MICU1: variants seen among roughly 807,000 people sequenced by gnomAD.
MICU1 encodes the protein mitochondrial calcium uptake 1, also known as calcium uptake protein 1, mitochondrial.
Under a neutral mutation model 56.8 loss-of-function variants are expected in MICU1, and 45 were observed. That is an observed-to-expected ratio of 0.79 (90% confidence interval 0.62 to 1.02). The LOEUF is 1.02. Ranked by LOEUF, MICU1 falls within the 50% of genes least tolerant of loss-of-function variation. The pLI is 0.00. For missense variants in MICU1, 504 were observed against 587.1 expected, an observed-to-expected ratio of 0.86 and a Z score of 1.46; for synonymous variants, 186 against 195.1, an observed-to-expected ratio of 0.95 and a Z score of 0.39.
At chr10:72,375,361 G>A (rs920018843) in intron 11 of MICU1, among the ~76,000 whole-genome samples, 1 of 152,206 alleles carries the variant, frequency 6.6e-6, no homozygotes, top group Non-Finnish European at 1.5e-5. Flanking sequence ...AGACCACTGT[G>A]TGGAGCTGGA....
chr10:72,496,070 G>C (rs114345584), intron 6 of MICU1, among the ~76,000 whole-genome samples: 2 of 151,658 alleles, frequency 1.3e-5, no homozygotes, highest in Non-Finnish European at 2.9e-5. Context: ...GGTCTCAAGC[G>C]ATCCTCCCAC....
chr10:72,603,008 C>G lies in MICU1; in HGVS notation c.-2+23002G>C, dbSNP rs554931098. On this transcript the variant is annotated intron_variant, in intron 1 of 11. Coordinates refer to ENST00000361114, the MANE Select transcript of MICU1 (RefSeq NM_001195518.2). ...GCGGGTGCCTGTAGTCCCAGCTACTCGGAGGCTGAGGCAGGAGAATGGCGT... is the reference window on the plus strand; with the variant it reads ...GCGGGTGCCTGTAGTCCCAGCTACTGGGAGGCTGAGGCAGGAGAATGGCGT... 8.6e-3 allele frequency among the ~76,000 whole-genome samples: 1,304 copies of G among 151,904 alleles called. 19 individuals are homozygous for G. The highest frequency in any genetic ancestry group is 0.03 in the African/African-American group (1,231 of 41,446).
At chr10:72,485,172 A>C (rs758502410) in intron 6 of MICU1, among the ~76,000 whole-genome samples, 3 of 152,224 alleles carry the variant, frequency 2.0e-5, no homozygotes, top group Non-Finnish European at 4.4e-5. Context: ...AGATGTGAGC[A>C]ATAAATTAGC....
At chr10:72,507,916 C>T (rs1414239890) in intron 6 of MICU1, among the ~76,000 whole-genome samples, 1 of 152,112 alleles carries the variant, frequency 6.6e-6, no homozygotes, top group East Asian at 1.9e-4. Flanking sequence ...CTGTGCCCAG[C>T]CGTTTTGTTT....
chr10:72,463,592 T>C (rs1865702297), intron 8 of MICU1, among the ~76,000 whole-genome samples: 1 of 152,236 alleles, frequency 6.6e-6, no homozygotes, highest in Non-Finnish European at 1.5e-5. Context: ...ATGGAGATTC[T>C]ACCATATACA....
At chr10:72,508,323 T>C (rs1867328941) in intron 5 of MICU1, 54 bp from the exon 6 acceptor site, 1 of 705,224 alleles carries the variant, frequency 1.4e-6, no homozygotes, top group Non-Finnish European at 2.3e-6. Flanking sequence ...TGAATTAGAA[T>C]ATAAATAGTA....
intron 6 of MICU1, among the ~76,000 whole-genome samples, chr10:72,500,689 G>A (rs530976607): frequency 6.6e-6 from 1 of 152,108 alleles, no homozygotes; most frequent in Admixed American, 6.6e-5. Context: ...AGCCCACAGG[G>A]TTAATAACTT....
intron 10 of MICU1, among the ~76,000 whole-genome samples, chr10:72,399,903 A>T (rs183102346): frequency 6.6e-6 from 1 of 152,178 alleles, no homozygotes; most frequent in Non-Finnish European, 1.5e-5. Flanking sequence ...GGTTGCAGTG[A>T]GCTGAAACTG....
chr10:72,584,004 A>C (rs976797421), intron 1 of MICU1, among the ~76,000 whole-genome samples: 3 of 152,248 alleles, frequency 2.0e-5, no homozygotes, highest in Admixed American at 2.0e-4. Context: ...AAGTTAATTT[A>C]AGTTACACAA....
chr10:72,440,240 A>T (rs912006198), intron 8 of MICU1, among the ~76,000 whole-genome samples: 1 of 152,196 alleles, frequency 6.6e-6, no homozygotes, highest in African/African-American at 2.4e-5. Flanking sequence ...CTCAGAAATA[A>T]CACCATACAT....
chr10:72,604,716 T>A (rs1158791662), intron 1 of MICU1, among the ~76,000 whole-genome samples: 2 of 152,220 alleles, frequency 1.3e-5, no homozygotes, highest in Admixed American at 6.5e-5. Flanking sequence ...ATGAAAGTGC[T>A]ACTGAACATA....
intron 6 of MICU1, among the ~76,000 whole-genome samples, chr10:72,497,606 T>C (rs1363100315): frequency 1.3e-5 from 2 of 152,102 alleles, no homozygotes; most frequent in African/African-American, 4.8e-5. Context: ...TTCAGAGCCA[T>C]CCCAACCATC....
intron 5 of MICU1, among the ~76,000 whole-genome samples, chr10:72,511,836 GT>G (rs1420503646): frequency 1.3e-5 from 2 of 152,110 alleles, no homozygotes; most frequent in Non-Finnish European, 2.9e-5. Flanking sequence ...CAGCAGAAAA[GT>G]CTGCCCCAGC....
intron 10 of MICU1, among the ~76,000 whole-genome samples, chr10:72,405,066 C>T (rs1004103137): frequency 1.3e-5 from 2 of 151,922 alleles, no homozygotes; most frequent in Non-Finnish European, 1.5e-5. Context: ...GCCACCAAGC[C>T]CGGCTACTTT....
intron 10 of MICU1, among the ~76,000 whole-genome samples, chr10:72,390,248 T>C (rs1431631931): frequency 6.6e-6 from 1 of 152,196 alleles, no homozygotes; most frequent in Non-Finnish European, 1.5e-5. Flanking sequence ...AACTGGACTA[T>C]GTTCTAATAC....
chr10:72,567,359 AG>A (rs1362935905), intron 1 of MICU1, among the ~76,000 whole-genome samples: 4 of 152,180 alleles, frequency 2.6e-5, no homozygotes, highest in African/African-American at 9.6e-5. Context: ...AAAAATTATT[AG>A]TTACAACAGG....
intron 10 of MICU1, among the ~76,000 whole-genome samples, chr10:72,397,823 C>T (rs1211076660): frequency 6.6e-6 from 1 of 152,184 alleles, no homozygotes; most frequent in Non-Finnish European, 1.5e-5. Flanking sequence ...GACTCCCACA[C>T]AATAATAACG....
chr10:72,573,558 A>G (rs1213136479), intron 1 of MICU1, among the ~76,000 whole-genome samples: 1 of 152,164 alleles, frequency 6.6e-6, no homozygotes, highest in Non-Finnish European at 1.5e-5. Flanking sequence ...ACAAATGTAC[A>G]GTATTTCATA....
chr10:72,498,590 A>G (rs533334987), intron 6 of MICU1, among the ~76,000 whole-genome samples: 1 of 152,246 alleles, frequency 6.6e-6, no homozygotes, highest in East Asian at 1.9e-4. Context: ...TGTATCAAAA[A>G]AGAAAGAAAG....
Sources: allele counts gnomAD v4.1 joint callset (sites outside exome capture counted in the v4.1 genomes callset), GRCh38; gene constraint gnomAD v4.1.1; transcripts MANE v1.5; gene names NCBI Gene and HGNC (gene_info 2026-07-23, HGNC 2026-07-21).